GRB7: variants seen among roughly 807,000 people sequenced by gnomAD.
GRB7 encodes growth factor receptor bound protein 7, also known as growth factor receptor-bound protein 7.
Under a neutral mutation model 64.1 loss-of-function variants are expected in GRB7, and 47 were observed. The observed-to-expected ratio is 0.73, with a 90% confidence interval of 0.58 to 0.94. GRB7 has a LOEUF of 0.94. Ranked by LOEUF, GRB7 falls within the 40% of genes least tolerant of loss-of-function variation. The probability of loss-of-function intolerance (pLI) is 0.00; values close to 1 mark genes in which losing one functional copy is unlikely to be tolerated. For missense variants in GRB7, 634 were observed against 718.4 expected (o/e 0.88, Z 1.34); for synonymous variants, 277 against 279.9 (o/e 0.99, Z 0.10).
rs376533011 is a variant in GRB7, at chr17:39,746,441, A to AC, written c.1452+243dup. On this transcript the variant is annotated intron_variant, in intron 14 of 14. Transcript: ENST00000309156. ...AGACCAGCCTGGGCAACACAGGGAGACCCCATCTCTACAAATAATTTAAAA... is the reference window on the plus strand; with the variant it reads ...AGACCAGCCTGGGCAACACAGGGAGACCCCCATCTCTACAAATAATTTAAAA... 1.1e-3 allele frequency among the ~76,000 whole-genome samples: 173 copies of AC among 151,930 alleles called. 2 individuals are homozygous for AC. The highest frequency in any genetic ancestry group is 6.2e-3 in the East Asian group (32 of 5,144).
chr17:39,739,132 G>C, intron 1 of GRB7: 1 of 458,526 alleles, frequency 2.2e-6, no homozygotes, highest in Non-Finnish European at 3.9e-6. Context: ...TGCATCTGCC[G>C]GCAAGGTGGA....
chr17:39,738,970 G>C, intron 1 of GRB7: 1 of 1,529,018 alleles, frequency 6.5e-7, no homozygotes, highest in Non-Finnish European at 8.8e-7. Flanking sequence ...GGGCAGGAAG[G>C]CTGGAGGGGT....
At chr17:39,743,106 TG>T in intron 4 of GRB7, 52 bp downstream of exon 4, 1 of 1,599,276 alleles carries the variant, frequency 6.3e-7, no homozygotes, top group Non-Finnish European at 8.5e-7. Flanking sequence ...CCTTGCATCT[TG>T]GGCTAGGCAT....
chr17:39,743,600 GA>G lies in GRB7; in HGVS notation c.663+131del, dbSNP rs990365143. 8.9e-5 allele frequency: 66 copies of G among 741,904 alleles called. 1 individual carries two copies. The highest frequency in any genetic ancestry group is 4.0e-4 in the Admixed American group (19 of 48,046). 46.0% of individuals were successfully genotyped at this position (741,904 alleles called of 1,614,324 possible). A position where few individuals can be genotyped will look rare whatever the true frequency, so the allele number is the denominator to read the frequency against. On this transcript the variant is annotated intron_variant, in intron 6 of 14. Coordinates refer to ENST00000309156, the MANE Select transcript of GRB7 (RefSeq NM_005310.5). ...CAAATCACAGTCCTGTGTGACTGGGGACAGTCACTTTCCCTGCCTGAGCATC... is the reference window on the plus strand; with the variant it reads ...CAAATCACAGTCCTGTGTGACTGGGGCAGTCACTTTCCCTGCCTGAGCATC...
At chr17:39,743,658 C>T in intron 6 of GRB7, 188 bp downstream of exon 6, 1 of 616,302 alleles carries the variant, frequency 1.6e-6, no homozygotes, top group Admixed American at 2.8e-5. Flanking sequence ...GCGAGAAATG[C>T]ATGTGGAGCA....
In GRB7 at chr17:39,745,557, G is replaced by A; in HGVS notation, c.1209+19G>A. 2 of 1,599,904 alleles carry A rather than the reference G, an allele frequency of 1.3e-6. No individual in the cohort carries two copies. Among genetic ancestry groups the A allele is most frequent in the Non-Finnish European group, 1.7e-6 (2 of 1,168,338 alleles). Reference sequence around the variant, plus strand: ...CTGGAGGGTGAGGCCTGCTGTGTGTGTGTGTGTTTGTGCTGGGGACCCACT... The same window carrying A: ...CTGGAGGGTGAGGCCTGCTGTGTGTATGTGTGTTTGTGCTGGGGACCCACT... On this transcript the variant is annotated intron_variant, in intron 11 of 14. Transcript: ENST00000309156.
intron 7 of GRB7, 129 bp downstream of exon 7, chr17:39,744,336 A>C (rs2060024619): frequency 8.9e-7 from 1 of 1,124,150 alleles, no homozygotes. Context: ...CCAGTTTACC[A>C]TCTCTCCCTA....
In GRB7 at chr17:39,744,616, G is replaced by A; in HGVS notation, c.865G>A (p.Gly289Ser). 1 of 1,611,924 alleles carries A rather than the reference G, an allele frequency of 6.2e-7. No individual in the cohort carries two copies. The highest frequency in any genetic ancestry group is 8.5e-7 in the Non-Finnish European group (1 of 1,179,008). Residue 289 changes from glycine to serine, a missense_variant, in exon 8 of 15, where the codon GGC (glycine) becomes AGC (serine). Gly to Ser is a moderately conservative substitution (Grantham distance 56). This residue lies in a region of GRB7 where 467 missense variants were observed against 576.6 expected (regional missense o/e 0.81). Transcript: ENST00000309156. ...GTCCAACGTGTACGTGGTGACGCAG[G>A]GCCGCAAGCTCTACGGGATGCCCAC... ...NESNVYVVTQ[G>S]RKLYGMPTDF...
At chr17:39,745,171 T>G in intron 9 of GRB7, 72 bp from the exon 10 acceptor site, 8 of 1,350,788 alleles carry the variant, frequency 5.9e-6, no homozygotes, top group Non-Finnish European at 8.2e-6. Flanking sequence ...CAAGTCCTGG[T>G]CTGAGGGGGG....
In GRB7 at chr17:39,746,840, G is replaced by C. The variant is rs755247283; in HGVS notation, c.1542G>C (p.Leu514=). 4.3e-6 allele frequency: 7 copies of C among 1,613,488 alleles called. No homozygotes were observed. Among genetic ancestry groups the C allele is most frequent in the Non-Finnish European group, 5.9e-6 (7 of 1,180,042 alleles). Residue 514 remains leucine, a synonymous_variant, in exon 15 of 15, where the codon CTG becomes CTC. Coordinates refer to ENST00000309156, the MANE Select transcript of GRB7 (RefSeq NM_005310.5). The part of the protein sequence containing the change: ...DLLQLVEFHQ[L]NRGILPCLLR... The stretch of plus-strand genomic sequence containing the variant: ...TGCAGCTCGTGGAGTTCCACCAGCT[G>C]AACCGCGGCATCCTGCCGTGCTTGC...
At chr17:39,745,148 G>A (rs2060032918) in intron 9 of GRB7, 95 bp from the exon 10 acceptor site, 1 of 1,219,392 alleles carries the variant, frequency 8.2e-7, no homozygotes, top group South Asian at 1.4e-5. Context: ...CAGAAACACA[G>A]CCCTGGTCTG....
intron 14 of GRB7, among the ~76,000 whole-genome samples, chr17:39,746,414 C>T (rs1004825965): frequency 4.6e-5 from 7 of 152,064 alleles, no homozygotes; most frequent in Admixed American, 1.3e-4. Flanking sequence ...CCCAGGAGTT[C>T]GAGACCAGCC....
chr17:39,740,150 T>C (rs1178969223), intron 1 of GRB7: 3 of 985,486 alleles, frequency 3.0e-6, no homozygotes, highest in Non-Finnish European at 3.6e-6. Context: ...ATGAAGTCAC[T>C]GGGGCTGTTT....
At chr17:39,740,883 C>T (rs577422781) in intron 1 of GRB7, among the ~76,000 whole-genome samples, 23 of 152,214 alleles carry the variant, frequency 1.5e-4, no homozygotes, top group African/African-American at 5.3e-4. Context: ...CAGGTGCCTG[C>T]TCCCTCCTGA....
chr17:39,740,708 G>C (rs554661141), intron 1 of GRB7, among the ~76,000 whole-genome samples: 204 of 152,306 alleles, frequency 1.3e-3, no homozygotes, highest in Middle Eastern at 3.4e-3. Flanking sequence ...GGCTAGCAGT[G>C]GGTTGGGGAG....
chr17:39,744,954 C>T lies in GRB7; in HGVS notation c.981C>T (p.Thr327=). The T allele has an allele frequency of 1.2e-6, 2 of 1,614,016 alleles. No individual in the cohort carries two copies. Among genetic ancestry groups the T allele is most frequent in the Non-Finnish European group, 1.7e-6 (2 of 1,179,954 alleles). Residue 327 remains threonine (T), a synonymous_variant, in exon 9 of 15, where the codon ACC becomes ACT. Coordinates refer to ENST00000309156, the MANE Select transcript of GRB7 (RefSeq NM_005310.5). ...IFCSEDEQSR[T]CWLAAFRLFK... ...GCAGTGAAGATGAGCAGAGCCGCAC[C>T]TGCTGGCTGGCTGCCTTCCGCCTCT...
chr17:39,746,641 A>G, intron 14 of GRB7, 110 bp from the exon 15 acceptor site: 1 of 458,936 alleles, frequency 2.2e-6, no homozygotes, highest in Non-Finnish European at 3.2e-6. Flanking sequence ...AAAGAAAAAG[A>G]AAAAGAAAAA....
chr17:39,741,396 C>A (rs2059993111), intron 1 of GRB7, among the ~76,000 whole-genome samples: 1 of 152,180 alleles, frequency 6.6e-6, no homozygotes, highest in African/African-American at 2.4e-5. Flanking sequence ...TGCTCTCCCC[C>A]TTGCACTGCA....
At chr17:39,738,493 A>T (rs758183781) in intron 1 of GRB7, 3 of 159,798 alleles carry the variant, frequency 1.9e-5, no homozygotes, top group Non-Finnish European at 2.7e-5. Context: ...TTGGCCTCCC[A>T]CTTTTCTCTT....
Sources: allele counts gnomAD v4.1 joint callset (sites outside exome capture counted in the v4.1 genomes callset), GRCh38; gene constraint gnomAD v4.1.1; regional missense constraint gnomAD v4.1.1; transcripts MANE v1.5; gene names NCBI Gene and HGNC (gene_info 2026-07-23, HGNC 2026-07-21).